The following CLIC5 variants were observed in gnomAD, a reference collection of about 807,000 sequenced individuals.
CLIC5 encodes the protein CLIC family member 5.
A neutral mutation model predicts 24.7 loss-of-function variants in CLIC5; 20 were observed. The ratio of observed to expected loss-of-function variants is 0.81; its 90% CI spans 0.57 to 1.18. The LOEUF (loss-of-function observed/expected upper bound fraction) is 1.18. CLIC5 is among the 50% of genes most tolerant of loss of function. CLIC5 has a pLI of 0.00. For synonymous variants in CLIC5, 159 were observed against 135.6 expected, an observed-to-expected ratio of 1.17 and a Z score of -1.20; for missense variants, 341 against 326.1, an observed-to-expected ratio of 1.05 and a Z score of -0.35.
At chr6:45,982,486 T>A (rs972023105) in intron 1 of CLIC5, among the ~76,000 whole-genome samples, 1 of 152,130 alleles carries the variant, frequency 6.6e-6, no homozygotes, top group Non-Finnish European at 1.5e-5. Flanking sequence ...ACCTAGATAG[T>A]TCCAGCCTAC....
At chr6:46,032,257 T>A (rs530988438) in intron 1 of CLIC5, among the ~76,000 whole-genome samples, 132 of 152,182 alleles carry the variant, frequency 8.7e-4, no homozygotes, top group African/African-American at 2.9e-3. Flanking sequence ...CCAGATCTGA[T>A]GAGAACTCAC....
upstream of CLIC5, chr6:46,080,399 T>C (rs983448823): frequency 1.6e-6 from 1 of 619,480 alleles, no homozygotes; most frequent in East Asian, 2.7e-5. Context: ...TAACAATTAT[T>C]TACTGGAGAG....
At chr6:45,989,505 A>G (rs1765855980) in intron 1 of CLIC5, among the ~76,000 whole-genome samples, 1 of 152,200 alleles carries the variant, frequency 6.6e-6, no homozygotes, top group Admixed American at 6.5e-5. Context: ...TGGTGATAAT[A>G]TTACTGTTTG....
intron 1 of CLIC5, among the ~76,000 whole-genome samples, chr6:46,054,333 G>T (rs1057467332): frequency 6.6e-6 from 1 of 152,038 alleles, no homozygotes; most frequent in African/African-American, 2.4e-5. Flanking sequence ...TTCTGACCTT[G>T]CAAAGTCCCT....
At chr6:46,036,125 C>T (rs369001766) in intron 1 of CLIC5, among the ~76,000 whole-genome samples, 67 of 152,276 alleles carry the variant, frequency 4.4e-4, no homozygotes, top group Middle Eastern at 6.8e-3. Context: ...CAAATCCCAC[C>T]TTGCTTGGAG....
intron 4 of CLIC5, among the ~76,000 whole-genome samples, chr6:45,933,357 A>G (rs1352721170): frequency 1.3e-5 from 2 of 152,226 alleles, no homozygotes; most frequent in Non-Finnish European, 2.9e-5. Context: ...TCATCTGGGG[A>G]CATGTGTCCT....
intron 1 of CLIC5, among the ~76,000 whole-genome samples, chr6:46,065,346 G>GTT (rs58256194): frequency 1.4e-5 from 2 of 145,376 alleles, no homozygotes; most frequent in East Asian, 2.0e-4. Flanking sequence ...AATTTTCAAG[G>GTT]TTTTTTTTTT....
At chr6:45,942,530 G>A (rs1321619854) in intron 3 of CLIC5, among the ~76,000 whole-genome samples, 2 of 152,166 alleles carry the variant, frequency 1.3e-5, no homozygotes, top group Non-Finnish European at 2.9e-5. Flanking sequence ...GAAGAGATGG[G>A]AGACAGTCGC....
chr6:45,923,026 A>G (rs1234957121), intron 4 of CLIC5, among the ~76,000 whole-genome samples: 1 of 152,144 alleles, frequency 6.6e-6, no homozygotes. Context: ...CCAAAAACCT[A>G]TTGTGTATTT....
intron 1 of CLIC5, among the ~76,000 whole-genome samples, chr6:45,997,523 A>G (rs991474552): frequency 6.6e-6 from 1 of 152,090 alleles, no homozygotes; most frequent in Non-Finnish European, 1.5e-5. Context: ...AAAAAAAAAA[A>G]AAAAGAAAGC....
At chr6:45,916,510 T>C (rs1763037974) in intron 4 of CLIC5, among the ~76,000 whole-genome samples, 1 of 152,198 alleles carries the variant, frequency 6.6e-6, no homozygotes, top group African/African-American at 2.4e-5. Context: ...AATCAAATAC[T>C]GGGCCTGTCA....
chr6:46,124,982 C>T, the CLIC5 span, among the ~76,000 whole-genome samples: 2 of 152,176 alleles, frequency 1.3e-5, no homozygotes, highest in African/African-American at 4.8e-5. Flanking sequence ...GTTGGTGGGA[C>T]TGTAAACTAG....
chr6:46,095,398 A>G, the CLIC5 span, among the ~76,000 whole-genome samples: 1 of 152,160 alleles, frequency 6.6e-6, no homozygotes, highest in Non-Finnish European at 1.5e-5. Context: ...TCCCTTTTAA[A>G]AATAAGTTCC....
At chr6:46,082,073 T>C (rs1762931601), upstream of CLIC5, among the ~76,000 whole-genome samples, 1 of 152,210 alleles carries the variant, frequency 6.6e-6, no homozygotes, top group Admixed American at 6.5e-5. Context: ...TTTTCACCCC[T>C]TGGGGGGTGA....
chr6:46,048,002 C>T (rs568452119), intron 1 of CLIC5, among the ~76,000 whole-genome samples: 1 of 125,512 alleles, frequency 8.0e-6, no homozygotes, highest in African/African-American at 3.0e-5. Flanking sequence ...ACTTCCATAT[C>T]TACTTTTTTT....
At chr6:46,045,569 G>A (rs1396227375) in intron 1 of CLIC5, among the ~76,000 whole-genome samples, 2 of 152,078 alleles carry the variant, frequency 1.3e-5, no homozygotes, top group African/African-American at 4.8e-5. Context: ...TGTCTTTTGG[G>A]GTTGTTCATG....
intron 6 of CLIC5, among the ~76,000 whole-genome samples, chr6:45,886,807 C>T (rs1360404130): frequency 6.6e-6 from 1 of 152,120 alleles, no homozygotes; most frequent in Non-Finnish European, 1.5e-5. Context: ...AAACGTTTTC[C>T]AAATGCCTGT....
intron 1 of CLIC5, among the ~76,000 whole-genome samples, chr6:46,074,151 CACTT>C (rs1488519278): frequency 3.9e-5 from 6 of 152,152 alleles, no homozygotes; most frequent in African/African-American, 1.2e-4. Context: ...TATATTTACT[CACTT>C]ACAAATTATA....
intron 1 of CLIC5, among the ~76,000 whole-genome samples, chr6:46,009,103 C>A (rs1766707281): frequency 6.6e-6 from 1 of 151,922 alleles, no homozygotes; most frequent in African/African-American, 2.4e-5. Context: ...CTCTTTCATG[C>A]CCCAAAGGCT....
Sources: allele counts gnomAD v4.1 joint callset (sites outside exome capture counted in the v4.1 genomes callset), GRCh38; gene constraint gnomAD v4.1.1; transcripts MANE v1.5; gene names NCBI Gene and HGNC (gene_info 2026-07-23, HGNC 2026-07-21).